The following DNAJC6 variants were observed in gnomAD, a reference collection of about 807,000 sequenced individuals.
The protein encoded by DNAJC6 is auxilin.
DNAJC6 carries 34 observed loss-of-function variants against 110.0 expected under a neutral mutation model. The observed-to-expected ratio is 0.31, with a 90% CI of 0.24 to 0.41. The LOEUF (loss-of-function observed/expected upper bound fraction) is 0.41. Among genes scored for constraint, DNAJC6 ranks in the 10% least tolerant of loss-of-function variants. The pLI is 1.00. For missense variants in DNAJC6, 1,031 were observed against 1,207.8 expected (o/e 0.85, Z 2.17); for synonymous variants, 406 against 437.2 (o/e 0.93, Z 0.89).
intron 1 of DNAJC6, among the ~76,000 whole-genome samples, chr1:65,294,763 T>C (rs949380137): frequency 2.0e-5 from 3 of 152,202 alleles, no homozygotes; most frequent in Non-Finnish European, 4.4e-5. Flanking sequence ...AAAAATTTAT[T>C]TTGGCTGCTG....
chr1:65,410,024 T>C (rs1045234190), intron 17 of DNAJC6, among the ~76,000 whole-genome samples: 6 of 152,170 alleles, frequency 3.9e-5, no homozygotes, highest in Middle Eastern at 3.2e-3. Context: ...GGTGGTTCTG[T>C]TGATGAGTGG....
chr1:65,290,210 G>GT (rs1226002557), intron 1 of DNAJC6, among the ~76,000 whole-genome samples: 2 of 152,112 alleles, frequency 1.3e-5, no homozygotes, highest in Non-Finnish European at 2.9e-5. Flanking sequence ...TTTCAGCTGC[G>GT]TTTTCTGCCT....
intron 1 of DNAJC6, among the ~76,000 whole-genome samples, chr1:65,268,973 C>G (rs1200675687): frequency 6.6e-6 from 1 of 152,100 alleles, no homozygotes; most frequent in Non-Finnish European, 1.5e-5. Flanking sequence ...AAATAGTTCT[C>G]ATTCCAATTT....
chr1:65,298,351 A>G (rs371427107), intron 1 of DNAJC6, among the ~76,000 whole-genome samples: 15 of 152,116 alleles, frequency 9.9e-5, no homozygotes, highest in East Asian at 9.6e-4. Flanking sequence ...AGCTGAATGA[A>G]TGATGTGTTG....
intron 11 of DNAJC6, 86 bp from the exon 12 acceptor site, chr1:65,392,345 T>G (rs747805876): frequency 2.1e-5 from 27 of 1,278,490 alleles, no homozygotes; most frequent in Non-Finnish European, 2.9e-5. Context: ...CTTCTGTCTT[T>G]CTGGAATTAT....
rs1645774700 is a variant in DNAJC6, at chr1:65,377,157, T to C, written c.544-2245T>C. ...GTGCTAATGAAAAGAATATAAATTC[T>C]GCAGCAGTTGGGTAAAATATTCAGT... On this transcript the variant is annotated intron_variant, in intron 4 of 18. Transcript: ENST00000371069. Among the ~76,000 whole-genome samples the C allele has an allele frequency of 3.3e-5, 5 of 152,360 alleles. No individual in the cohort carries two copies. In the South Asian group the frequency reaches 1.0e-3, roughly 32 times the overall value.
intron 1 of DNAJC6, among the ~76,000 whole-genome samples, chr1:65,324,794 G>T (rs980675272): frequency 1.3e-5 from 2 of 152,176 alleles, no homozygotes; most frequent in East Asian, 1.9e-4. Flanking sequence ...ACACAATAGT[G>T]GGGGGAACTG....
At chr1:65,324,484 G>A (rs1161518525) in intron 1 of DNAJC6, among the ~76,000 whole-genome samples, 1 of 151,920 alleles carries the variant, frequency 6.6e-6, no homozygotes, top group Non-Finnish European at 1.5e-5. Flanking sequence ...TCAGCCTCCT[G>A]AGTAGCTGGG....
intron 12 of DNAJC6, among the ~76,000 whole-genome samples, chr1:65,393,511 C>T (rs1329263368): frequency 6.6e-6 from 1 of 152,174 alleles, no homozygotes. Flanking sequence ...GTGACTCATG[C>T]CGGAAGCACA....
chr1:65,311,178 C>T (rs1312546402), intron 1 of DNAJC6, among the ~76,000 whole-genome samples: 1 of 131,414 alleles, frequency 7.6e-6, no homozygotes, highest in South Asian at 2.7e-4. Flanking sequence ...TTAAATAAAA[C>T]TAAAATGATC....
At chr1:65,267,509 G>C (rs1653373236) in intron 1 of DNAJC6, among the ~76,000 whole-genome samples, 1 of 151,560 alleles carries the variant, frequency 6.6e-6, no homozygotes, top group Non-Finnish European at 1.5e-5. Context: ...TTCTGTTATA[G>C]ATATTTATCT....
intron 1 of DNAJC6, among the ~76,000 whole-genome samples, chr1:65,310,474 T>TA (rs1645089188): frequency 6.6e-6 from 1 of 152,240 alleles, no homozygotes; most frequent in Non-Finnish European, 1.5e-5. Context: ...GGGTTAATGT[T>TA]ACCTTTCTCC....
chr1:65,291,141 T>G (rs1644871622), intron 1 of DNAJC6, among the ~76,000 whole-genome samples: 1 of 152,242 alleles, frequency 6.6e-6, no homozygotes, highest in Admixed American at 6.5e-5. Flanking sequence ...CAAGTGATTC[T>G]CTTGCTTCAG....
intron 5 of DNAJC6, 118 bp from the exon 6 acceptor site, chr1:65,384,075 A>G (rs1311818933): frequency 8.1e-7 from 1 of 1,236,808 alleles, no homozygotes; most frequent in Non-Finnish European, 1.0e-6. Flanking sequence ...AATGAAAAGC[A>G]CCCACAGTTA....
chr1:65,292,314 G>A (rs558018146), intron 1 of DNAJC6, among the ~76,000 whole-genome samples: 1 of 148,124 alleles, frequency 6.8e-6, no homozygotes, highest in African/African-American at 2.6e-5. Context: ...CACCGCACCC[G>A]GCCTGGTTTT....
intron 1 of DNAJC6, among the ~76,000 whole-genome samples, chr1:65,282,143 T>G (rs1653874087): frequency 6.6e-6 from 1 of 152,158 alleles, no homozygotes; most frequent in Non-Finnish European, 1.5e-5. Context: ...CAGGCTCAAG[T>G]GAACTCCAGG....
At position 65,299,236 on chromosome 1, in the gene DNAJC6, T is replaced by A. The variant is rs781517562; in HGVS notation, c.-131+34304T>A. Among the ~76,000 whole-genome samples the A allele has an allele frequency of 1.3e-4, 20 of 152,270 alleles. 1 individual carries two copies. Among genetic ancestry groups the A allele is most frequent in the Non-Finnish European group, 2.1e-4 (14 of 68,040 alleles). The stretch of plus-strand genomic sequence containing the variant: ...GGAAAATAAGTCAGACTCTCTCATT[T>A]GGCCATATTGAAGCTAATAGTCTCA... On this transcript the variant is annotated intron_variant, in intron 1 of 19. Transcript: ENST00000263441.
chr1:65,398,735 G>C, intron 13 of DNAJC6, 78 bp from the exon 14 acceptor site: 1 of 1,462,446 alleles, frequency 6.8e-7, no homozygotes, highest in Non-Finnish European at 9.5e-7. Context: ...GGGATGGAAT[G>C]GCATTATCCT....
At chr1:65,293,883 T>C (rs1051109886) in intron 1 of DNAJC6, among the ~76,000 whole-genome samples, 4 of 152,182 alleles carry the variant, frequency 2.6e-5, no homozygotes, top group African/African-American at 7.2e-5. Context: ...TATTAGTGTA[T>C]TTTCCCAGGT....
Sources: gnomAD v4.1 joint callset for allele counts (sites outside exome capture counted in the v4.1 genomes callset) on GRCh38, gnomAD v4.1.1 for gene constraint, MANE v1.5 for transcripts, NCBI Gene and HGNC (gene_info 2026-07-23, HGNC 2026-07-21) for gene names.